RAB3B: variants seen among roughly 807,000 people sequenced by gnomAD.
The protein encoded by RAB3B is ras-related protein Rab-3B.
RAB3B carries 11 observed loss-of-function variants against 20.5 expected under a neutral mutation model. That is an observed-to-expected ratio of 0.54 (90% CI 0.34 to 0.89). The LOEUF is 0.89. RAB3B is among the 40% of genes least tolerant of loss of function. The probability of loss-of-function intolerance (pLI) is 0.02; values close to 1 mark genes in which losing one functional copy is unlikely to be tolerated. For missense variants in RAB3B, 225 were observed against 280.9 expected (o/e 0.80, Z 1.42); for synonymous variants, 99 against 106.3 (o/e 0.93, Z 0.42).
chr1:51,973,753 C>A (rs1187247417), intron 2 of RAB3B, among the ~76,000 whole-genome samples: 2 of 152,132 alleles, frequency 1.3e-5, no homozygotes, highest in African/African-American at 4.8e-5. Flanking sequence ...TACCCAGGCA[C>A]AAGAAAACCA....
chr1:51,958,587 G>C (rs1447407606), intron 2 of RAB3B, among the ~76,000 whole-genome samples: 1 of 152,196 alleles, frequency 6.6e-6, no homozygotes. Flanking sequence ...GCCGGGCGTG[G>C]AGGCGCATGC....
intron 2 of RAB3B, among the ~76,000 whole-genome samples, chr1:51,967,521 C>CTTTATTTTTTTTTTTTTTTT (rs1684870635): frequency 2.7e-5 from 1 of 36,496 alleles, no homozygotes; most frequent in African/African-American, 6.8e-5. Context: ...TTTTCTTTTT[C>CTTTATTTTTTTTTTTTTTTT]TTTTTTTTTT....
Position 51,912,554 on chromosome 1 carries a change from AATATATATATATATATATAT to A in RAB3B, c.*7353_*7372del, listed in dbSNP as rs1171897939. ...AGACCGTCTCTATTAAAAAAAAAAA[AATATATATATATATATATAT>A]ATATATATATATATATATATATATA... On this transcript the variant is annotated 3_prime_UTR_variant, in exon 5 of 5. Transcript: ENST00000371655. 1.3e-4 allele frequency: 2 copies of A among 15,502 alleles called. No homozygotes were observed. The highest frequency in any genetic ancestry group is 3.5e-4 in the African/African-American group (2 of 5,738). 1.0% of individuals were successfully genotyped at this position (15,502 alleles called of 1,614,324 possible).
rs536615315 is a variant in RAB3B, at chr1:51,951,505, T to C, written c.229-14093A>G. Among the ~76,000 whole-genome samples, 13 of 152,286 alleles carry C rather than the reference T, an allele frequency of 8.5e-5. No homozygotes were observed. In the South Asian group the frequency reaches 1.5e-3, roughly 17 times the overall value. ...GCTCTTTCTAGCCCACCATGTGTCA[T>C]TGTCACTACTGATTTACAGGTAATA... On this transcript the variant is annotated intron_variant, in intron 2 of 4. Transcript: ENST00000371655.
At position 51,937,380 on chromosome 1, in the gene RAB3B, G is replaced by GA; in HGVS notation, c.260dup (p.Thr88HisfsTer16). 1 of 1,612,548 alleles carries GA rather than the reference G, an allele frequency of 6.2e-7. No homozygotes were observed. Among genetic ancestry groups the GA allele is most frequent in the Non-Finnish European group, 8.5e-7 (1 of 1,179,350 alleles). Reference sequence around the variant, plus strand: ...TGGCCCCACGGTAATAGGCTGTTGTGATGGTCCGGTACCGCTCCTGCCCAG... The same window carrying GA: ...TGGCCCCACGGTAATAGGCTGTTGTGAATGGTCCGGTACCGCTCCTGCCCAG... On this transcript the variant is annotated frameshift_variant, in exon 3 of 5. Transcript: ENST00000371655. LOFTEE classifies it high-confidence loss of function.
intron 4 of RAB3B, among the ~76,000 whole-genome samples, chr1:51,928,189 C>T (rs1684271999): frequency 6.6e-6 from 1 of 152,198 alleles, no homozygotes; most frequent in Non-Finnish European, 1.5e-5. Flanking sequence ...TCACCGCAAC[C>T]TCCGCCTCCC....
chr1:51,909,363 G>C lies in RAB3B; in HGVS notation c.*10564C>G, dbSNP rs928009033. 1 of 152,088 alleles carries C rather than the reference G, an allele frequency of 6.6e-6. No individual in the cohort carries two copies. The highest frequency in any genetic ancestry group is 2.4e-5 in the African/African-American group (1 of 41,410). 9.4% of individuals were successfully genotyped at this position (152,088 alleles called of 1,614,324 possible). A position where few individuals can be genotyped will look rare whatever the true frequency, so the allele number is the denominator to read the frequency against. On this transcript the variant is annotated 3_prime_UTR_variant, in exon 5 of 5. Transcript: ENST00000371655. ...CACTTTCTAAAATGTACTTTTATTT[G>C]ACTCTCATAACTATTTTGTGAAGTA...
In RAB3B at chr1:51,966,257, C is replaced by A. The variant is rs12042933; in HGVS notation, c.228+10633G>T. Among the ~76,000 whole-genome samples, 4 of 152,362 alleles carry A rather than the reference C, an allele frequency of 2.6e-5. No individual in the cohort carries two copies. The East Asian group carries it at 7.7e-4, about 29-fold the overall frequency. On this transcript the variant is annotated intron_variant, in intron 2 of 4. Coordinates refer to ENST00000371655, the MANE Select transcript of RAB3B (RefSeq NM_002867.4). ...TCAAGACCCTGCTCAAATGTCCCCTCCTTTGTGAGACCTGCAATGATTTTC... is the reference window on the plus strand; with the variant it reads ...TCAAGACCCTGCTCAAATGTCCCCTACTTTGTGAGACCTGCAATGATTTTC...
rs1001265206 is a variant in RAB3B at position 51,964,972 on chromosome 1, G to A, written c.228+11918C>T. Reference sequence around the variant, plus strand: ...CACCTGGCCAGGCGCAGTAGCTCACGCCTGTAATCCCAACACTTTGGGAGG... The same window carrying A: ...CACCTGGCCAGGCGCAGTAGCTCACACCTGTAATCCCAACACTTTGGGAGG... On this transcript the variant is annotated intron_variant, in intron 2 of 4. Transcript: ENST00000371655. Among the ~76,000 whole-genome samples, 15 of 152,262 alleles carry A rather than the reference G, an allele frequency of 9.9e-5. 1 individual carries two copies. Among genetic ancestry groups the A allele is most frequent in the South Asian group, 4.1e-4 (2 of 4,824 alleles).
At chr1:51,955,399 C>CT (rs953886833) in intron 2 of RAB3B, among the ~76,000 whole-genome samples, 6 of 151,760 alleles carry the variant, frequency 4.0e-5, no homozygotes, top group Non-Finnish European at 7.4e-5. Context: ...CTTACTTACT[C>CT]TTTTTTTTCT....
intron 2 of RAB3B, among the ~76,000 whole-genome samples, chr1:51,953,815 A>C (rs963679861): frequency 6.6e-6 from 1 of 152,156 alleles, no homozygotes. Flanking sequence ...ACAAAAAACT[A>C]AAAAATACCT....
In RAB3B at chr1:51,943,414, ACAACAACAACAC is replaced by A. The variant is rs1413878057; in HGVS notation, c.229-6014_229-6003del. ...AATAATAACAACAACAACAACAACAACAACAACAACACCACAATGGCCTCTAAGTGTTCAAGT... is the reference window on the plus strand; with the variant it reads ...AATAATAACAACAACAACAACAACAACACAATGGCCTCTAAGTGTTCAAGT... On this transcript the variant is annotated intron_variant, in intron 2 of 4. Coordinates refer to ENST00000371655, the MANE Select transcript of RAB3B (RefSeq NM_002867.4). Among the ~76,000 whole-genome samples, 540 of 107,258 alleles carry A rather than the reference ACAACAACAACAC, an allele frequency of 5.0e-3. 4 individuals are homozygous for A. Among genetic ancestry groups the A allele is most frequent in the African/African-American group, 0.016 (508 of 32,632 alleles). The allele number at this position is 107,258 out of a possible 152,430, so 70.4% of individuals were successfully genotyped here. A position where few individuals can be genotyped will look rare whatever the true frequency, so the allele number is the denominator to read the frequency against.
chr1:51,980,490 G>T, intron 1 of RAB3B: 1 of 700,130 alleles, frequency 1.4e-6, no homozygotes, highest in Non-Finnish European at 2.6e-6. Context: ...AGAAAAGAAG[G>T]AACAATGGTC....
chr1:51,930,639 C>T (rs537135576), intron 4 of RAB3B, among the ~76,000 whole-genome samples: 1 of 152,268 alleles, frequency 6.6e-6, no homozygotes, highest in East Asian at 1.9e-4. Context: ...AAATTAGATG[C>T]ATAATACTTT....
chr1:51,984,992 A>T (rs1170500416), intron 1 of RAB3B, among the ~76,000 whole-genome samples: 1 of 152,240 alleles, frequency 6.6e-6, no homozygotes, highest in Non-Finnish European at 1.5e-5. Flanking sequence ...GTTATGAAAA[A>T]GTTTAAAATC....
intron 4 of RAB3B, among the ~76,000 whole-genome samples, chr1:51,923,264 G>C (rs1023913009): frequency 2.6e-5 from 4 of 152,148 alleles, no homozygotes; most frequent in Admixed American, 2.0e-4. Flanking sequence ...ATGCCTCCTT[G>C]TCTCACGCTC....
chr1:51,946,077 G>C (rs1054563489), intron 2 of RAB3B, among the ~76,000 whole-genome samples: 1 of 152,042 alleles, frequency 6.6e-6, no homozygotes, highest in African/African-American at 2.4e-5. Flanking sequence ...AAGTAATTGA[G>C]CCTTAGTTTC....
chr1:51,938,002 T>C (rs1440387934), intron 2 of RAB3B, among the ~76,000 whole-genome samples: 1 of 146,582 alleles, frequency 6.8e-6, no homozygotes, highest in Non-Finnish European at 1.5e-5. Context: ...GTTTCTTTTT[T>C]TTTTTTTTTT....
At chr1:51,958,245 G>A (rs1316625135) in intron 2 of RAB3B, among the ~76,000 whole-genome samples, 1 of 152,154 alleles carries the variant, frequency 6.6e-6, no homozygotes, top group Non-Finnish European at 1.5e-5. Context: ...CCTGCATTCA[G>A]GGCCCACTTA....
Sources: allele counts gnomAD v4.1 joint callset (sites outside exome capture counted in the v4.1 genomes callset), GRCh38; gene constraint gnomAD v4.1.1; transcripts MANE v1.5; gene names NCBI Gene and HGNC (gene_info 2026-07-23, HGNC 2026-07-21).